IPCEF1: variants seen among roughly 807,000 people sequenced by gnomAD.
IPCEF1 encodes the protein interaction protein for cytohesin exchange factors 1.
In IPCEF1, 31 loss-of-function variants were observed where a neutral mutation model predicts 50.9. That is an observed-to-expected ratio of 0.61 (90% confidence interval 0.46 to 0.82). The LOEUF (loss-of-function observed/expected upper bound fraction) is 0.82. Among genes scored for constraint, IPCEF1 ranks in the 40% least tolerant of loss-of-function variants. The probability of loss-of-function intolerance (pLI) is 0.00; values close to 1 mark genes in which losing one functional copy is unlikely to be tolerated. For missense variants in IPCEF1, 458 were observed against 514.0 expected (o/e 0.89, Z 1.05); for synonymous variants, 181 against 192.0 (o/e 0.94, Z 0.47).
At chr6:154,230,881 AC>A (rs1322056116) in intron 5 of IPCEF1, among the ~76,000 whole-genome samples, 1 of 152,198 alleles carries the variant, frequency 6.6e-6, no homozygotes, top group Non-Finnish European at 1.5e-5. Flanking sequence ...AGAAAAAAAA[AC>A]AGCTAAAAAA....
At chr6:154,167,098 G>A (rs1239810734) in intron 11 of IPCEF1, among the ~76,000 whole-genome samples, 1 of 152,148 alleles carries the variant, frequency 6.6e-6, no homozygotes, top group African/African-American at 2.4e-5. Context: ...CCTGGAAAAT[G>A]ACTTAAGTTC....
At chr6:154,295,912 C>CGT (rs1491123889) in intron 1 of IPCEF1, among the ~76,000 whole-genome samples, 2 of 360 alleles carry the variant, frequency 5.6e-3, no homozygotes, top group Non-Finnish European at 8.5e-3. Flanking sequence ...CACACACACG[C>CGT]ACACACACAC....
rs182978283 is a variant in IPCEF1 at position 154,254,116 on chromosome 6, T to A, written c.37-6628A>T. 2.4e-3 allele frequency among the ~76,000 whole-genome samples: 368 copies of A among 152,332 alleles called. 1 individual carries two copies. Among genetic ancestry groups the A allele is most frequent in the African/African-American group, 8.0e-3 (332 of 41,582 alleles). ...TATGGGAAATTTTTACTACTTTTTT[T>A]AATTTCTAAATTCATTGCATTTTGT... is the stretch of plus-strand genomic sequence containing the variant. On this transcript the variant is annotated intron_variant, in intron 3 of 11. Coordinates refer to ENST00000367220, the MANE Select transcript of IPCEF1 (RefSeq NM_001130700.2).
intron 1 of IPCEF1, among the ~76,000 whole-genome samples, chr6:154,336,565 A>G (rs896025931): frequency 6.6e-6 from 1 of 152,176 alleles, no homozygotes; most frequent in Non-Finnish European, 1.5e-5. Context: ...ATGGATACAA[A>G]TATACAAACA....
chr6:154,277,491 A>G (rs1782091627), intron 2 of IPCEF1, among the ~76,000 whole-genome samples: 1 of 152,214 alleles, frequency 6.6e-6, no homozygotes, highest in Non-Finnish European at 1.5e-5. Context: ...TTAAGACCAA[A>G]GATTAAATCG....
At chr6:154,335,996 C>T (rs774412705) in intron 1 of IPCEF1, among the ~76,000 whole-genome samples, 2 of 152,026 alleles carry the variant, frequency 1.3e-5, no homozygotes, top group Non-Finnish European at 1.5e-5. Context: ...GTTAGAATGG[C>T]TATTATTTAA....
At chr6:154,246,251 G>A (rs1318666092) in intron 5 of IPCEF1, among the ~76,000 whole-genome samples, 5 of 152,172 alleles carry the variant, frequency 3.3e-5, no homozygotes, top group African/African-American at 1.2e-4. Flanking sequence ...AAGGTGCCAT[G>A]TTAAGTGATG....
intron 1 of IPCEF1, among the ~76,000 whole-genome samples, chr6:154,324,897 A>G (rs756294826): frequency 3.3e-5 from 5 of 151,832 alleles, no homozygotes; most frequent in Non-Finnish European, 7.4e-5. Context: ...TTTTTCCAGC[A>G]TGGAAAAAAA....
intron 1 of IPCEF1, among the ~76,000 whole-genome samples, chr6:154,329,251 AT>A (rs1031471601): frequency 2.9e-4 from 43 of 150,830 alleles, no homozygotes; most frequent in African/African-American, 4.6e-4. Flanking sequence ...GTCTCTAAGA[AT>A]TTTTTTTTTA....
At chr6:154,256,092 C>T (rs978859605) in intron 3 of IPCEF1, among the ~76,000 whole-genome samples, 1 of 152,004 alleles carries the variant, frequency 6.6e-6, no homozygotes, top group Admixed American at 6.5e-5. Flanking sequence ...AACAGAGTAC[C>T]ATAGACTGAG....
At chr6:154,180,126 CAA>C (rs1422602777) in intron 10 of IPCEF1, among the ~76,000 whole-genome samples, 1 of 152,062 alleles carries the variant, frequency 6.6e-6, no homozygotes, top group Non-Finnish European at 1.5e-5. Flanking sequence ...AAAACCAAAA[CAA>C]GAGAATGAAA....
chr6:154,248,340 G>A (rs996906267), intron 3 of IPCEF1, among the ~76,000 whole-genome samples: 2 of 112,092 alleles, frequency 1.8e-5, no homozygotes, highest in African/African-American at 6.5e-5. Flanking sequence ...TGTGTGTGTA[G>A]AGAGAGAGAA....
chr6:154,318,581 G>A (rs1474218121), intron 1 of IPCEF1, among the ~76,000 whole-genome samples: 1 of 151,680 alleles, frequency 6.6e-6, no homozygotes, highest in East Asian at 1.9e-4. Context: ...GCCGGGTGTG[G>A]TGGCTCACGC....
chr6:154,340,787 A>G (rs1783895461), intron 1 of IPCEF1, among the ~76,000 whole-genome samples: 1 of 151,598 alleles, frequency 6.6e-6, no homozygotes, highest in Non-Finnish European at 1.5e-5. Context: ...CAAGAGGGTG[A>G]GGCAGGAGAA....
In IPCEF1 at chr6:154,159,330, G is replaced by A. The variant is rs1485518662; in HGVS notation, c.*498C>T. ...TCCATACCAAAGGCAAGGAATTTTT[G>A]TTCTGCAACACCACGTTTGTCCTTC... On this transcript the variant is annotated 3_prime_UTR_variant, in exon 12 of 12. Coordinates refer to ENST00000367220, the MANE Select transcript of IPCEF1 (RefSeq NM_001130700.2). 6.2e-6 allele frequency: 1 copy of A among 161,392 alleles called. No homozygotes were observed. The highest frequency in any genetic ancestry group is 2.4e-5 in the African/African-American group (1 of 41,446). 10.0% of individuals were successfully genotyped at this position (161,392 alleles called of 1,614,324 possible). A position where few individuals can be genotyped will look rare whatever the true frequency, so the allele number is the denominator to read the frequency against.
intron 1 of IPCEF1, among the ~76,000 whole-genome samples, chr6:154,311,267 A>G (rs1783072134): frequency 6.6e-6 from 1 of 152,122 alleles, no homozygotes; most frequent in South Asian, 2.1e-4. Context: ...ATCCCATCCT[A>G]ATACTCTTTT....
intron 8 of IPCEF1, among the ~76,000 whole-genome samples, chr6:154,213,954 A>G (rs769864039): frequency 3.3e-5 from 5 of 152,204 alleles, no homozygotes; most frequent in Non-Finnish European, 5.9e-5. Flanking sequence ...TGCATCGGTG[A>G]CTGTTTGAGA....
rs144744106 is a variant in IPCEF1, at chr6:154,162,940, C to T, written c.1105-2900G>A. The stretch of plus-strand genomic sequence containing the variant: ...CACCAACTTCCAATGCACACCAAAC[C>T]CGGTTCCTACCGTAGTCTTCCACAA... On this transcript the variant is annotated intron_variant, in intron 11 of 11. Coordinates refer to ENST00000367220, the MANE Select transcript of IPCEF1 (RefSeq NM_001130700.2). 1.6e-3 allele frequency among the ~76,000 whole-genome samples: 245 copies of T among 152,284 alleles called. 1 individual carries two copies. The highest frequency in any genetic ancestry group is 0.01 in the Middle Eastern group (3 of 294).
intron 5 of IPCEF1, among the ~76,000 whole-genome samples, chr6:154,237,373 C>T (rs1468984306): frequency 6.6e-6 from 1 of 152,192 alleles, no homozygotes; most frequent in Non-Finnish European, 1.5e-5. Context: ...TCATCCTTTA[C>T]ACGGGGTCGG....
Sources: allele counts gnomAD v4.1 joint callset (sites outside exome capture counted in the v4.1 genomes callset), GRCh38; gene constraint gnomAD v4.1.1; transcripts MANE v1.5; gene names NCBI Gene and HGNC (gene_info 2026-07-23, HGNC 2026-07-21).